DGKB: variants seen among roughly 807,000 people sequenced by gnomAD.
DGKB encodes diacylglycerol kinase beta.
DGKB carries 67 observed loss-of-function variants against 114.3 expected under a neutral mutation model. The ratio of observed to expected loss-of-function variants is 0.59; its 90% confidence interval spans 0.48 to 0.72. The LOEUF (loss-of-function observed/expected upper bound fraction) is 0.72, where lower values mean the gene tolerates loss of function less well. DGKB is among the 30% of genes least tolerant of loss of function. The probability of loss-of-function intolerance (pLI) is 0.00; values close to 1 mark genes in which losing one functional copy is unlikely to be tolerated. For missense variants in DGKB, 907 were observed against 975.2 expected (o/e 0.93, Z 0.93); for synonymous variants, 398 against 323.1 (o/e 1.23, Z -2.49).
chr7:14,323,420 G>C (rs1385408400), intron 23 of DGKB, among the ~76,000 whole-genome samples: 1 of 152,188 alleles, frequency 6.6e-6, no homozygotes, highest in Non-Finnish European at 1.5e-5. Context: ...ATATGTTGTA[G>C]TTTATGACAG....
chr7:14,851,506 A>G (rs1352813240), intron 1 of DGKB, among the ~76,000 whole-genome samples: 1 of 152,138 alleles, frequency 6.6e-6, no homozygotes, highest in Non-Finnish European at 1.5e-5. Flanking sequence ...ATAATGTAAA[A>G]TGCTATGATA....
At chr7:14,337,111 T>C (rs563849525) in intron 23 of DGKB, among the ~76,000 whole-genome samples, 74 of 152,260 alleles carry the variant, frequency 4.9e-4, no homozygotes, top group African/African-American at 1.8e-3. Context: ...CTTAAGCTAA[T>C]TGCAATACTT....
chr7:14,598,872 C>A (rs931289479), intron 17 of DGKB, among the ~76,000 whole-genome samples: 6 of 152,226 alleles, frequency 3.9e-5, no homozygotes, highest in Admixed American at 3.3e-4. Context: ...TATGATTTGT[C>A]AATATCTCCA....
At chr7:14,825,016 G>GTGTGTGTATA (rs1480765381) in intron 2 of DGKB, among the ~76,000 whole-genome samples, 2 of 92,382 alleles carry the variant, frequency 2.2e-5, no homozygotes, top group African/African-American at 6.8e-5. Flanking sequence ...GTATGTGTAT[G>GTGTGTGTATA]TATATATATA....
chr7:14,429,737 A>G (rs1828138075), intron 21 of DGKB, among the ~76,000 whole-genome samples: 1 of 152,152 alleles, frequency 6.6e-6, no homozygotes, highest in Non-Finnish European at 1.5e-5. Flanking sequence ...CCTGGCCAAC[A>G]TGGCAAAACC....
At chr7:14,769,729 T>C (rs934814070) in intron 2 of DGKB, among the ~76,000 whole-genome samples, 3 of 152,000 alleles carry the variant, frequency 2.0e-5, no homozygotes, top group Admixed American at 6.6e-5. Context: ...AAGGCTCTCA[T>C]AGGAATTAGT....
chr7:14,968,449 G>C (rs1375872116), intron 1 of DGKB, among the ~76,000 whole-genome samples: 1 of 152,090 alleles, frequency 6.6e-6, no homozygotes, highest in Non-Finnish European at 1.5e-5. Flanking sequence ...GATTTCAAGA[G>C]GGCTCTTTGT....
At chr7:14,340,139 A>T (rs1271882119) in intron 22 of DGKB, among the ~76,000 whole-genome samples, 1 of 149,170 alleles carries the variant, frequency 6.7e-6, no homozygotes, top group African/African-American at 2.5e-5. Context: ...AATGAGGGCG[A>T]AACCAAGATC....
At chr7:14,786,500 G>A (rs1213741220) in intron 2 of DGKB, among the ~76,000 whole-genome samples, 1 of 152,220 alleles carries the variant, frequency 6.6e-6, no homozygotes, top group Non-Finnish European at 1.5e-5. Flanking sequence ...GGCCAGGGCT[G>A]TGTATTCCCT....
At chr7:14,297,408 A>C (rs1215091012) in intron 23 of DGKB, among the ~76,000 whole-genome samples, 1 of 152,194 alleles carries the variant, frequency 6.6e-6, no homozygotes, top group African/African-American at 2.4e-5. Context: ...ACATACACAA[A>C]TCAATAAACG....
At chr7:14,685,131 T>C (rs1290394887) in intron 10 of DGKB, 114 bp downstream of exon 10, 8 of 655,372 alleles carry the variant, frequency 1.2e-5, no homozygotes, top group African/African-American at 1.8e-5. Flanking sequence ...AAATCACATG[T>C]ACAGAGACAG....
intron 2 of DGKB, among the ~76,000 whole-genome samples, chr7:14,771,541 T>A (rs1837411302): frequency 6.6e-6 from 1 of 152,106 alleles, no homozygotes. Context: ...AAGCTCTGAT[T>A]TTTTTTCTTG....
chr7:14,562,752 C>A (rs1430613375), intron 20 of DGKB, among the ~76,000 whole-genome samples: 1 of 152,124 alleles, frequency 6.6e-6, no homozygotes, highest in Admixed American at 6.5e-5. Context: ...AATTAACTTG[C>A]CTTTGATTTT....
At chr7:14,469,173 T>G (rs1780913987) in intron 21 of DGKB, among the ~76,000 whole-genome samples, 1 of 152,024 alleles carries the variant, frequency 6.6e-6, no homozygotes, top group Admixed American at 6.6e-5. Flanking sequence ...TGGTTTATAT[T>G]CTTCTGTGGA....
chr7:14,597,118 G>A (rs1008305287), intron 17 of DGKB, among the ~76,000 whole-genome samples: 8 of 152,074 alleles, frequency 5.3e-5, no homozygotes, highest in African/African-American at 9.7e-5. Flanking sequence ...TGAGGCAGGA[G>A]AATGGCGTGA....
chr7:14,295,508 C>G (rs1033213142), intron 23 of DGKB, among the ~76,000 whole-genome samples: 5 of 152,000 alleles, frequency 3.3e-5, no homozygotes, highest in African/African-American at 1.2e-4. Context: ...TACTTTAAAT[C>G]TTTCCTTATA....
chr7:14,211,090 TCTC>T (rs1354333028), intron 23 of DGKB, among the ~76,000 whole-genome samples: 2 of 152,044 alleles, frequency 1.3e-5, no homozygotes, highest in East Asian at 3.9e-4. Flanking sequence ...TTCACTGTGT[TCTC>T]CTACTCACCT....
intron 23 of DGKB, among the ~76,000 whole-genome samples, chr7:14,247,931 A>G (rs1335721211): frequency 6.6e-6 from 1 of 152,086 alleles, no homozygotes; most frequent in Non-Finnish European, 1.5e-5. Flanking sequence ...TGCATAGACT[A>G]ATGACGAGTA....
intron 21 of DGKB, among the ~76,000 whole-genome samples, chr7:14,452,460 T>A (rs1831667922): frequency 6.6e-6 from 1 of 152,186 alleles, no homozygotes; most frequent in African/African-American, 2.4e-5. Flanking sequence ...ATGAAATATT[T>A]ATGCTTCATT....
Sources: gnomAD v4.1 joint callset for allele counts (sites outside exome capture counted in the v4.1 genomes callset) on GRCh38, gnomAD v4.1.1 for gene constraint, MANE v1.5 for transcripts, NCBI Gene and HGNC (gene_info 2026-07-23, HGNC 2026-07-21) for gene names.